Variants in PCNX1 observed in about 807,000 individuals in gnomAD.
PCNX1 encodes the protein pecanex-like protein 1.
In PCNX1, 78 loss-of-function variants were observed where a neutral mutation model predicts 242.2. The observed-to-expected ratio is 0.32, with a 90% CI of 0.27 to 0.39. The LOEUF (loss-of-function observed/expected upper bound fraction) is 0.39. Among genes scored for constraint, PCNX1 ranks in the 10% least tolerant of loss-of-function variants. The pLI is 1.00. For synonymous variants in PCNX1, 1,024 were observed against 1,032.9 expected (o/e 0.99, Z 0.17); for missense variants, 2,581 against 2,856.5 (o/e 0.90, Z 2.20).
At chr14:71,060,185 G>A (rs548185713) in intron 26 of PCNX1, among the ~76,000 whole-genome samples, 13 of 152,262 alleles carry the variant, frequency 8.5e-5, no homozygotes, top group African/African-American at 3.1e-4. Flanking sequence ...TGACATCGTA[G>A]CCATTCTGTC....
intron 11 of PCNX1, among the ~76,000 whole-genome samples, chr14:71,018,487 G>A (rs181499893): frequency 6.6e-6 from 1 of 152,230 alleles, no homozygotes; most frequent in East Asian, 1.9e-4. Context: ...CCATATTTAA[G>A]TAATTCTAGT....
intron 28 of PCNX1, among the ~76,000 whole-genome samples, chr14:71,079,858 A>G (rs2061808823): frequency 6.6e-6 from 1 of 152,158 alleles, no homozygotes; most frequent in Non-Finnish European, 1.5e-5. Context: ...TTTGCTGTAC[A>G]GAAGCTTTTT....
At chr14:70,978,705 A>C in intron 6 of PCNX1, 57 bp downstream of exon 6, 2 of 1,408,598 alleles carry the variant, frequency 1.4e-6, no homozygotes, top group Non-Finnish European at 1.9e-6. Context: ...CATACTATTA[A>C]TTAGAGTAGT....
intron 16 of PCNX1, among the ~76,000 whole-genome samples, chr14:71,032,295 A>C (rs2060410190): frequency 1.3e-5 from 2 of 152,080 alleles, no homozygotes; most frequent in Non-Finnish European, 2.9e-5. Context: ...TCTCCCTTTC[A>C]TTCTCAAGCT....
intron 30 of PCNX1, among the ~76,000 whole-genome samples, chr14:71,095,439 T>C (rs1291422569): frequency 6.6e-6 from 1 of 152,212 alleles, no homozygotes. Flanking sequence ...AAAATTCTTT[T>C]GAAAACTTTT....
chr14:70,959,180 T>C (rs541296423), intron 2 of PCNX1, among the ~76,000 whole-genome samples: 34 of 151,560 alleles, frequency 2.2e-4, no homozygotes, highest in African/African-American at 7.7e-4. Flanking sequence ...TTGTGAAATT[T>C]GGTGTGTGGT....
Position 71,109,043 on chromosome 14 carries a change from C to G in PCNX1, c.6741C>G (p.Val2247=). The G allele has an allele frequency of 6.2e-7, 1 of 1,606,484 alleles. No individual in the cohort carries two copies. Among genetic ancestry groups the G allele is most frequent in the Non-Finnish European group, 8.5e-7 (1 of 1,175,402 alleles). ...GAAAGGCAGAAGTGATTTACAGAGT[C>G]CAAGTAAGTAAGCCCAGAGGTGGTC... ...HSRKAEVIYR[V]QIVDPSQILE... Residue 2247 remains valine, a synonymous_variant, in exon 34 of 36, where the codon GTC becomes GTG. Transcript: ENST00000304743.
At position 71,033,987 on chromosome 14, in the gene PCNX1, C is replaced by T; in HGVS notation, c.3725C>T (p.Pro1242Leu). The T allele has an allele frequency of 6.2e-7, 1 of 1,609,740 alleles. No homozygotes were observed. The highest frequency in any genetic ancestry group is 8.5e-7 in the Non-Finnish European group (1 of 1,177,528). The change falls in exon 18 of 36, where the codon CCT (proline) becomes CTT (leucine). Residue 1242 changes from proline (P) to leucine (L), a missense_variant. By Grantham distance (98) the Pro-to-Leu change is moderately conservative (BLOSUM62 -3). Coordinates refer to ENST00000304743, the MANE Select transcript of PCNX1 (RefSeq NM_014982.3). Reference protein sequence around the residue: ...PKTEEKNPEDPLSEVKDPLPE... With the variant: ...PKTEEKNPEDLLSEVKDPLPE... Reference sequence around the variant, plus strand: ...ACGGAAGAGAAAAATCCAGAAGACCCTCTATCTGAAGTAAAAGATCCACTG... The same window carrying T: ...ACGGAAGAGAAAAATCCAGAAGACCTTCTATCTGAAGTAAAAGATCCACTG...
intron 30 of PCNX1, among the ~76,000 whole-genome samples, chr14:71,099,635 TGTTA>T (rs1283641595): frequency 1.3e-5 from 2 of 152,198 alleles, no homozygotes; most frequent in Non-Finnish European, 2.9e-5. Context: ...AGAGTTTCTT[TGTTA>T]GTTTTTTGCC....
At chr14:70,975,329 A>G (rs1014782904) in intron 5 of PCNX1, among the ~76,000 whole-genome samples, 2 of 106,922 alleles carry the variant, frequency 1.9e-5, no homozygotes, top group Admixed American at 1.1e-4. Flanking sequence ...TGTGTTGGGA[A>G]AATAATAAAG....
intron 28 of PCNX1, among the ~76,000 whole-genome samples, chr14:71,082,998 C>T (rs2061893930): frequency 1.3e-5 from 2 of 152,050 alleles, no homozygotes; most frequent in Admixed American, 6.6e-5. Context: ...CTGGTTTTTC[C>T]TTTCCATATT....
Position 71,026,758 on chromosome 14 carries a change from C to A in PCNX1, c.3356-14C>A. The A allele has an allele frequency of 8.6e-7, 1 of 1,164,714 alleles. No homozygotes were observed. The highest frequency in any genetic ancestry group is 1.3e-6 in the Non-Finnish European group (1 of 787,966). The allele number at this position is 1,164,714 out of a possible 1,614,324, so 72.1% of individuals were successfully genotyped here. A position where few individuals can be genotyped will look rare whatever the true frequency, so the allele number is the denominator to read the frequency against. ...GTATAATATTTTAAAATATACTTTT[C>A]TTTCTTTTTATAGTGTTTACACTCT... On this transcript the variant is annotated splice_polypyrimidine_tract_variant and intron_variant, in intron 14 of 35. Coordinates refer to ENST00000304743, the MANE Select transcript of PCNX1 (RefSeq NM_014982.3).
At chr14:70,912,127 C>T (rs904388899) in intron 1 of PCNX1, among the ~76,000 whole-genome samples, 38 of 151,482 alleles carry the variant, frequency 2.5e-4, no homozygotes, top group Admixed American at 5.3e-4. Flanking sequence ...CCCAGCTACT[C>T]GGGAGGCTGA....
chr14:71,022,002 T>G (rs1161868977), intron 12 of PCNX1, among the ~76,000 whole-genome samples: 1 of 152,188 alleles, frequency 6.6e-6, no homozygotes, highest in Non-Finnish European at 1.5e-5. Context: ...TCACCTCTTT[T>G]GCAAGCTTTA....
chr14:70,947,981 GCGCCCCCA>G (rs2057527408), intron 2 of PCNX1, among the ~76,000 whole-genome samples: 1 of 152,182 alleles, frequency 6.6e-6, no homozygotes, highest in South Asian at 2.1e-4. Flanking sequence ...GTCTCCAGCA[GCGCCCCCA>G]GGCTTGTTAG....
chr14:70,987,315 G>A (rs1467881265), intron 6 of PCNX1, among the ~76,000 whole-genome samples: 1 of 152,128 alleles, frequency 6.6e-6, no homozygotes, highest in East Asian at 1.9e-4. Flanking sequence ...ATGTAGCAAC[G>A]GAGCACTTGA....
chr14:70,946,997 A>G lies in PCNX1; in HGVS notation c.236A>G (p.Tyr79Cys). 2 of 1,613,900 alleles carry G rather than the reference A, an allele frequency of 1.2e-6. No individual in the cohort carries two copies. Among genetic ancestry groups the G allele is most frequent in the Non-Finnish European group, 1.7e-6 (2 of 1,179,820 alleles). Residue 79 changes from tyrosine to cysteine, a missense_variant, in exon 2 of 36, where the codon TAT becomes TGT. Tyr to Cys is a radical substitution (Grantham distance 194). Transcript: ENST00000304743. ...AVFIVLKMVNYRLHRALDAGE... is the reference protein window; with the variant it reads ...AVFIVLKMVNCRLHRALDAGE... Reference sequence around the variant, plus strand: ...TTCATTGTTCTGAAGATGGTCAACTATCGACTACACAGAGCACTTGATGCT... The same window carrying G: ...TTCATTGTTCTGAAGATGGTCAACTGTCGACTACACAGAGCACTTGATGCT...
At chr14:71,073,210 T>C (rs896251615) in intron 26 of PCNX1, among the ~76,000 whole-genome samples, 1 of 152,186 alleles carries the variant, frequency 6.6e-6, no homozygotes, top group African/African-American at 2.4e-5. Context: ...GGAAATTACT[T>C]GAACCGGGAC....
rs375227933 is a variant in PCNX1 at position 71,108,744 on chromosome 14, T to C, written c.6442T>C (p.Cys2148Arg). 6.2e-7 allele frequency: 1 copy of C among 1,614,250 alleles called. No homozygotes were observed. Among genetic ancestry groups the C allele is most frequent in the South Asian group, 1.1e-5 (1 of 91,090 alleles). ...LRMSTTGFVP[C>R]RRSSTSQISL... ...GATGTCCACCACTGGGTTTGTGCCT[T>C]GTCGGCGCTCTTCTACTAGTCAGAT... The change falls in exon 34 of 36, where the codon TGT becomes CGT. Residue 2148 changes from cysteine to arginine, a missense_variant. Physicochemically the swap from Cys to Arg is radical, Grantham distance 180. This residue lies in a region of PCNX1 where 432 missense variants were observed against 433.6 expected (regional missense o/e 1.00). Transcript: ENST00000304743.
Sources: gnomAD v4.1 joint callset for allele counts (sites outside exome capture counted in the v4.1 genomes callset) on GRCh38, gnomAD v4.1.1 for gene constraint, gnomAD v4.1.1 regional missense constraint, MANE v1.5 for transcripts, NCBI Gene and HGNC (gene_info 2026-07-23, HGNC 2026-07-21) for gene names.